NRG3: variants seen among roughly 807,000 people sequenced by gnomAD.
NRG3 encodes neuregulin 3.
In NRG3, 31 loss-of-function variants were observed where a neutral mutation model predicts 66.9. That is an observed-to-expected ratio of 0.46 (90% confidence interval 0.35 to 0.63). The LOEUF is 0.63. Ranked by LOEUF, NRG3 falls within the 20% of genes least tolerant of loss-of-function variation. The probability of loss-of-function intolerance (pLI) is 0.00; values close to 1 mark genes in which losing one functional copy is unlikely to be tolerated. For synonymous variants in NRG3, 393 were observed against 359.4 expected, an observed-to-expected ratio of 1.09 and a Z score of -1.06; for missense variants, 910 against 878.9, an observed-to-expected ratio of 1.04 and a Z score of -0.45.
At chr10:82,016,174 GA>G (rs2061778744) in intron 1 of NRG3, among the ~76,000 whole-genome samples, 1 of 151,932 alleles carries the variant, frequency 6.6e-6, no homozygotes, top group South Asian at 2.1e-4. Flanking sequence ...GGACCAGTGT[GA>G]AAAAGACATA....
At chr10:81,911,841 C>A (rs1028739851) in intron 1 of NRG3, among the ~76,000 whole-genome samples, 5 of 151,760 alleles carry the variant, frequency 3.3e-5, no homozygotes, top group African/African-American at 1.2e-4. Flanking sequence ...GGATTCCTAA[C>A]AAAGAAAGAA....
At chr10:82,910,732 A>G (rs1845234795) in intron 4 of NRG3, among the ~76,000 whole-genome samples, 1 of 152,264 alleles carries the variant, frequency 6.6e-6, no homozygotes, top group African/African-American at 2.4e-5. Context: ...TAATTTGGCC[A>G]TGTGACCAGG....
At chr10:82,315,621 T>A (rs2135049578) in intron 1 of NRG3, among the ~76,000 whole-genome samples, 1 of 152,136 alleles carries the variant, frequency 6.6e-6, no homozygotes, top group African/African-American at 2.4e-5. Context: ...TATTATCTTA[T>A]GATCGTATCT....
intron 1 of NRG3, among the ~76,000 whole-genome samples, chr10:82,282,455 C>A (rs2134458788): frequency 1.3e-5 from 2 of 151,960 alleles, no homozygotes; most frequent in African/African-American, 4.8e-5. Flanking sequence ...CAGGGCTCTG[C>A]GTAGGACTCA....
intron 1 of NRG3, among the ~76,000 whole-genome samples, chr10:82,352,653 G>T (rs1183784183): frequency 1.3e-5 from 2 of 152,170 alleles, no homozygotes; most frequent in Non-Finnish European, 2.9e-5. Flanking sequence ...ACAACTGTGG[G>T]ATTGTGGGGG....
At chr10:82,606,795 G>T (rs2047992749) in intron 2 of NRG3, among the ~76,000 whole-genome samples, 1 of 152,080 alleles carries the variant, frequency 6.6e-6, no homozygotes, top group African/African-American at 2.4e-5. Flanking sequence ...ATTGCTAAAG[G>T]TGTTCTTCAT....
intron 1 of NRG3, among the ~76,000 whole-genome samples, chr10:82,330,401 T>C (rs758189906): frequency 2.4e-4 from 36 of 152,244 alleles, no homozygotes; most frequent in Non-Finnish European, 4.8e-4. Flanking sequence ...CATTGTATTA[T>C]AATCAGGTTT....
At chr10:82,791,511 C>T (rs2060586860) in intron 3 of NRG3, among the ~76,000 whole-genome samples, 1 of 152,094 alleles carries the variant, frequency 6.6e-6, no homozygotes, top group African/African-American at 2.4e-5. Context: ...GCCTTCAGTG[C>T]TCCAGCAGTT....
intron 1 of NRG3, among the ~76,000 whole-genome samples, chr10:82,346,220 T>C (rs1352740866): frequency 5.3e-5 from 8 of 150,126 alleles, no homozygotes; most frequent in African/African-American, 2.0e-4. Flanking sequence ...ATAGCTCTTA[T>C]TATTTTGAAA....
chr10:81,912,219 CATG>C (rs1008209374), intron 1 of NRG3, among the ~76,000 whole-genome samples: 4 of 151,492 alleles, frequency 2.6e-5, no homozygotes, highest in Non-Finnish European at 4.4e-5. Context: ...TCATATAGGT[CATG>C]ATGATGATGA....
chr10:82,272,296 G>A (rs917835226), intron 1 of NRG3, among the ~76,000 whole-genome samples: 2 of 152,016 alleles, frequency 1.3e-5, no homozygotes, highest in African/African-American at 2.4e-5. Context: ...AGGACTGAAA[G>A]AAGGGCCAGT....
intron 2 of NRG3, among the ~76,000 whole-genome samples, chr10:82,631,483 A>G (rs1054483284): frequency 1.1e-4 from 17 of 152,292 alleles, no homozygotes; most frequent in South Asian, 4.1e-4. Flanking sequence ...AAGTAATGAT[A>G]AAATTTACTA....
chr10:82,309,325 A>C (rs747840095), intron 1 of NRG3, among the ~76,000 whole-genome samples: 21 of 152,200 alleles, frequency 1.4e-4, no homozygotes, highest in Non-Finnish European at 2.6e-4. Context: ...ACTTCTCTAT[A>C]CTTATAAACT....
At chr10:82,783,101 C>A (rs1283646852) in intron 3 of NRG3, among the ~76,000 whole-genome samples, 1 of 152,166 alleles carries the variant, frequency 6.6e-6, no homozygotes, top group Non-Finnish European at 1.5e-5. Flanking sequence ...GAACCAATGA[C>A]AAAAACCACG....
At chr10:82,599,503 G>C (rs1485361191) in intron 2 of NRG3, among the ~76,000 whole-genome samples, 1 of 152,082 alleles carries the variant, frequency 6.6e-6, no homozygotes, top group African/African-American at 2.4e-5. Flanking sequence ...TTGTAAATAA[G>C]AATACTTAGA....
chr10:82,980,514 G>A (rs2132661197), intron 8 of NRG3, among the ~76,000 whole-genome samples: 1 of 152,272 alleles, frequency 6.6e-6, no homozygotes, highest in African/African-American at 2.4e-5. Flanking sequence ...TGGCCTGGAT[G>A]ATTTTTCCAG....
chr10:81,970,478 A>G (rs575139405), intron 1 of NRG3, among the ~76,000 whole-genome samples: 1 of 152,318 alleles, frequency 6.6e-6, no homozygotes. Flanking sequence ...TACAATGGCA[A>G]AAAGGTAGTT....
chr10:82,693,568 A>T (rs2055118950), intron 2 of NRG3, among the ~76,000 whole-genome samples: 1 of 152,214 alleles, frequency 6.6e-6, no homozygotes, highest in Non-Finnish European at 1.5e-5. Context: ...CAAAACAAAG[A>T]TAATAATAAT....
intron 2 of NRG3, among the ~76,000 whole-genome samples, chr10:82,485,595 A>G (rs1842619986): frequency 6.6e-6 from 1 of 151,790 alleles, no homozygotes; most frequent in Non-Finnish European, 1.5e-5. Context: ...TGCAACTGGC[A>G]AAGAGCAAGA....
Sources: allele counts gnomAD v4.1 joint callset (sites outside exome capture counted in the v4.1 genomes callset), GRCh38; gene constraint gnomAD v4.1.1; transcripts MANE v1.5; gene names NCBI Gene and HGNC (gene_info 2026-07-23, HGNC 2026-07-21).